The following ULK4 variants were observed in gnomAD, a reference collection of about 807,000 sequenced individuals.
ULK4 encodes inactive serine/threonine-protein kinase ULK4.
ULK4 carries 133 observed loss-of-function variants against 160.6 expected under a neutral mutation model. The ratio of observed to expected loss-of-function variants is 0.83; its 90% CI spans 0.72 to 0.96. ULK4 has a LOEUF of 0.96. Ranked by LOEUF, ULK4 falls within the 40% of genes least tolerant of loss-of-function variation. The probability of loss-of-function intolerance (pLI) is 0.00; values close to 1 mark genes in which losing one functional copy is unlikely to be tolerated. For missense variants in ULK4, 1,580 were observed against 1,499.5 expected (o/e 1.05, Z -0.89); for synonymous variants, 534 against 539.8 (o/e 0.99, Z 0.15).
At chr3:41,300,743 G>C (rs2079769946) in intron 35 of ULK4, among the ~76,000 whole-genome samples, 1 of 150,502 alleles carries the variant, frequency 6.6e-6, no homozygotes, top group African/African-American at 2.4e-5. Context: ...CATGATACAA[G>C]TGATTTGTGG....
intron 35 of ULK4, among the ~76,000 whole-genome samples, chr3:41,290,321 T>C (rs959255635): frequency 6.6e-6 from 1 of 152,240 alleles, no homozygotes; most frequent in Non-Finnish European, 1.5e-5. Context: ...AACTCATTTA[T>C]AATCATGCAA....
At chr3:41,809,040 C>T (rs536657266) in intron 19 of ULK4, among the ~76,000 whole-genome samples, 98 of 152,128 alleles carry the variant, frequency 6.4e-4, no homozygotes, top group African/African-American at 2.2e-3. Context: ...GTGGTGCATG[C>T]CTGTAATCTC....
rs536458980 is a variant in ULK4, at chr3:41,384,703, G to A, written c.3678+13376C>T. The stretch of plus-strand genomic sequence containing the variant: ...AGGTACAAGCGATTCTCCTGCCTCG[G>A]CCTCCTGAGTAGCTGGGAGTATAGG... On this transcript the variant is annotated intron_variant, in intron 35 of 36. Coordinates refer to ENST00000301831, the MANE Select transcript of ULK4 (RefSeq NM_017886.4). Among the ~76,000 whole-genome samples the A allele has an allele frequency of 3.3e-5, 5 of 152,162 alleles. No homozygotes were observed. In the South Asian group the frequency reaches 1.0e-3, roughly 32 times the overall value.
intron 33 of ULK4, among the ~76,000 whole-genome samples, chr3:41,457,137 TA>T (rs2083572557): frequency 6.6e-6 from 1 of 152,154 alleles, no homozygotes; most frequent in South Asian, 2.1e-4. Context: ...CATGGAATAT[TA>T]GCCTTTCCAC....
intron 35 of ULK4, among the ~76,000 whole-genome samples, chr3:41,372,403 G>A (rs993344579): frequency 3.5e-4 from 54 of 152,114 alleles, no homozygotes; most frequent in African/African-American, 1.1e-3. Context: ...GAGAAAGGTC[G>A]GGTTACCCAC....
At chr3:41,431,637 T>C (rs1433062297) in intron 34 of ULK4, among the ~76,000 whole-genome samples, 5 of 147,656 alleles carry the variant, frequency 3.4e-5, no homozygotes, top group Admixed American at 6.8e-5. Context: ...TCAACCACAC[T>C]TAAACAAACG....
chr3:41,352,337 G>C (rs1412418587), intron 35 of ULK4, among the ~76,000 whole-genome samples: 3 of 152,136 alleles, frequency 2.0e-5, no homozygotes, highest in Non-Finnish European at 4.4e-5. Context: ...AGTACACACG[G>C]CTTCCCCCTC....
intron 34 of ULK4, among the ~76,000 whole-genome samples, chr3:41,417,261 C>T (rs755776348): frequency 3.9e-5 from 6 of 152,096 alleles, no homozygotes; most frequent in Non-Finnish European, 7.4e-5. Context: ...AGTAACTGAG[C>T]TAAGATAAGG....
chr3:41,306,622 G>C (rs1441796898), intron 35 of ULK4, among the ~76,000 whole-genome samples: 1 of 151,684 alleles, frequency 6.6e-6, no homozygotes, highest in Non-Finnish European at 1.5e-5. Context: ...CCCTCTGCCC[G>C]GCCACCACCC....
In ULK4 at chr3:41,537,225, G is replaced by T. The variant is rs534430215; in HGVS notation, c.3226+28800C>A. Reference sequence around the variant, plus strand: ...TTTGTTGCCATATCCACAGTCTCATGATTTCCTTGATTGCTCTGCTGTAAA... The same window carrying T: ...TTTGTTGCCATATCCACAGTCTCATTATTTCCTTGATTGCTCTGCTGTAAA... On this transcript the variant is annotated intron_variant, in intron 32 of 36. Coordinates refer to ENST00000301831, the MANE Select transcript of ULK4 (RefSeq NM_017886.4). 2.6e-5 allele frequency among the ~76,000 whole-genome samples: 4 copies of T among 151,414 alleles called. No homozygotes were observed. The South Asian group carries it at 8.4e-4, about 32-fold the overall frequency.
chr3:41,867,604 T>C (rs1264216726), intron 17 of ULK4, among the ~76,000 whole-genome samples: 3 of 152,214 alleles, frequency 2.0e-5, no homozygotes, highest in Admixed American at 6.5e-5. Flanking sequence ...CTCAAGCTCC[T>C]GGCCTCAAGT....
At chr3:41,463,712 A>T (rs867825804) in intron 32 of ULK4, among the ~76,000 whole-genome samples, 1 of 152,212 alleles carries the variant, frequency 6.6e-6, no homozygotes, top group South Asian at 2.1e-4. Context: ...ATAAATTATA[A>T]GAAATTTGAA....
intron 22 of ULK4, among the ~76,000 whole-genome samples, chr3:41,722,193 C>T (rs1225359006): frequency 6.6e-6 from 1 of 152,146 alleles, no homozygotes; most frequent in Admixed American, 6.5e-5. Context: ...ATACTGCTTT[C>T]TTGAGTACAC....
At chr3:41,588,026 G>A (rs1182840245) in intron 31 of ULK4, among the ~76,000 whole-genome samples, 1 of 152,172 alleles carries the variant, frequency 6.6e-6, no homozygotes, top group Non-Finnish European at 1.5e-5. Context: ...GACACTAGAA[G>A]TTCTTTTATC....
intron 31 of ULK4, among the ~76,000 whole-genome samples, chr3:41,595,715 C>T (rs2031645564): frequency 6.6e-6 from 1 of 151,956 alleles, no homozygotes; most frequent in Admixed American, 6.6e-5. Flanking sequence ...TGTTTTCAGG[C>T]CAAGGAAGTA....
chr3:41,873,738 A>T (rs751092512), intron 17 of ULK4, among the ~76,000 whole-genome samples: 13 of 152,098 alleles, frequency 8.5e-5, no homozygotes, highest in Non-Finnish European at 1.5e-4. Flanking sequence ...TTTTTAGTAG[A>T]GATGGAGTTT....
chr3:41,888,595 G>C (rs1697810927), intron 16 of ULK4, among the ~76,000 whole-genome samples: 1 of 152,216 alleles, frequency 6.6e-6, no homozygotes, highest in Non-Finnish European at 1.5e-5. Flanking sequence ...AGTTTAGTCA[G>C]TCAGGTCCTG....
intron 8 of ULK4, 93 bp downstream of exon 8, chr3:41,915,884 G>C (rs1475531299): frequency 2.4e-6 from 2 of 839,442 alleles, no homozygotes; most frequent in Non-Finnish European, 3.8e-6. Context: ...AGGGGGAAAA[G>C]ATTTCATTAT....
At chr3:41,699,240 T>C (rs2036593868) in intron 27 of ULK4, among the ~76,000 whole-genome samples, 2 of 152,212 alleles carry the variant, frequency 1.3e-5, no homozygotes, top group African/African-American at 2.4e-5. Flanking sequence ...CCATTTGCTC[T>C]ATGTCCCCAC....
Sources: allele counts gnomAD v4.1 joint callset (sites outside exome capture counted in the v4.1 genomes callset), GRCh38; gene constraint gnomAD v4.1.1; transcripts MANE v1.5; gene names NCBI Gene and HGNC (gene_info 2026-07-23, HGNC 2026-07-21).